The following NFRKB variants were observed in gnomAD, a reference collection of about 807,000 sequenced individuals.
NFRKB encodes nuclear factor related to kappaB binding protein.
NFRKB carries 62 observed loss-of-function variants against 135.7 expected under a neutral mutation model. The ratio of observed to expected loss-of-function variants is 0.46; its 90% CI spans 0.37 to 0.56. The LOEUF (loss-of-function observed/expected upper bound fraction) is 0.56, where lower values mean the gene tolerates loss of function less well. Ranked by LOEUF, NFRKB falls within the 20% of genes least tolerant of loss-of-function variation. NFRKB has a pLI of 0.00. For missense variants in NFRKB, 1,545 were observed against 1,662.0 expected, an observed-to-expected ratio of 0.93 and a Z score of 1.22; for synonymous variants, 678 against 635.6, an observed-to-expected ratio of 1.07 and a Z score of -1.00.
At chr11:129,892,364 T>C (rs947480413) in intron 3 of NFRKB, among the ~76,000 whole-genome samples, 2 of 152,204 alleles carry the variant, frequency 1.3e-5, no homozygotes, top group African/African-American at 4.8e-5. Flanking sequence ...TCCAGTTTGC[T>C]GCAAATGCCA....
At position 129,866,165 on chromosome 11, in the gene NFRKB, C is replaced by T. The variant is rs576301738; in HGVS notation, c.3532-182G>A. On this transcript the variant is annotated intron_variant, in intron 24 of 26. Coordinates refer to ENST00000682444, the MANE Select transcript of NFRKB (RefSeq NM_001143835.2). ...AAAACCCTAACGAACTACTTATATACCATAGTCAGGTGAAATCTGATCTTT... is the reference window on the plus strand; with the variant it reads ...AAAACCCTAACGAACTACTTATATATCATAGTCAGGTGAAATCTGATCTTT... Among the ~76,000 whole-genome samples the T allele has an allele frequency of 6.6e-5, 10 of 152,246 alleles. No homozygotes were observed. In the South Asian group the frequency reaches 2.1e-3, roughly 32 times the overall value.
Position 129,865,577 on chromosome 11 carries a change from C to G in NFRKB, c.3638+300G>C, listed in dbSNP as rs1031069237. On this transcript the variant is annotated intron_variant, in intron 25 of 26. Coordinates refer to ENST00000682444, the MANE Select transcript of NFRKB (RefSeq NM_001143835.2). ...CCCTCACACCTAGCTGAGCCCCATCCTAGCACTTCCCACACCCTTTTCTCT... is the reference window on the plus strand; with the variant it reads ...CCCTCACACCTAGCTGAGCCCCATCGTAGCACTTCCCACACCCTTTTCTCT... Among the ~76,000 whole-genome samples, 4 of 152,220 alleles carry G rather than the reference C, an allele frequency of 2.6e-5. No individual in the cohort carries two copies. The South Asian group carries it at 8.3e-4, about 32-fold the overall frequency.
chr11:129,880,334 T>G, intron 13 of NFRKB, among the ~76,000 whole-genome samples: 1 of 151,856 alleles, frequency 6.6e-6, no homozygotes, highest in Non-Finnish European at 1.5e-5. Context: ...CCTCACACCA[T>G]TCTCCTTCAT....
chr11:129,876,515 T>C (rs539091273), intron 17 of NFRKB, among the ~76,000 whole-genome samples: 4 of 152,070 alleles, frequency 2.6e-5, no homozygotes, highest in Admixed American at 2.6e-4. Flanking sequence ...TAAATGAACA[T>C]AAATGTAAGC....
chr11:129,885,777 T>C (rs935969042), intron 5 of NFRKB, among the ~76,000 whole-genome samples, 168 bp from the exon 6 acceptor site: 5 of 152,260 alleles, frequency 3.3e-5, no homozygotes, highest in East Asian at 3.8e-4. Flanking sequence ...AGAATCTGTA[T>C]TGATTACATG....
In NFRKB at chr11:129,892,957, C is replaced by T. The variant is rs1480304443; in HGVS notation, c.-21-87G>A. 16 of 1,595,310 alleles carry T rather than the reference C, an allele frequency of 1.0e-5. No individual in the cohort carries two copies. The South Asian group carries it at 1.1e-4, about 11-fold the overall frequency. ...AACACTCCTCCAGGAAAACATTCAACCTCCAGCCAGTTCTTACACCTTATC... is the reference window on the plus strand; with the variant it reads ...AACACTCCTCCAGGAAAACATTCAATCTCCAGCCAGTTCTTACACCTTATC... On this transcript the variant is annotated intron_variant, in intron 2 of 26. Transcript: ENST00000682444.
rs560407601 is a variant in NFRKB, at chr11:129,894,121, T to A, written c.-22+238A>T. ...ACTACATACCACAACATTTTCAGAC[T>A]GATGGCTGGGATTAGGGGTCAAGTT... On this transcript the variant is annotated intron_variant, in intron 2 of 26. Coordinates refer to ENST00000682444, the MANE Select transcript of NFRKB (RefSeq NM_001143835.2). 3 of 152,362 alleles carry A rather than the reference T, an allele frequency of 2.0e-5. No homozygotes were observed. In the South Asian group the frequency reaches 6.2e-4, roughly 32 times the overall value. 9.4% of individuals were successfully genotyped at this position (152,362 alleles called of 1,614,324 possible).
At chr11:129,869,385 C>G in intron 24 of NFRKB, 109 bp downstream of exon 24, 1 of 1,307,864 alleles carries the variant, frequency 7.6e-7, no homozygotes, top group Non-Finnish European at 1.0e-6. Context: ...AATTTCCACT[C>G]CTAAAAAGAA....
chr11:129,874,777 C>T lies in NFRKB; in HGVS notation c.1978+16G>A. 6.2e-7 allele frequency: 1 copy of T among 1,614,190 alleles called. No individual in the cohort carries two copies. Among genetic ancestry groups the T allele is most frequent in the African/African-American group, 1.3e-5 (1 of 75,040 alleles). On this transcript the variant is annotated intron_variant, in intron 19 of 26. Coordinates refer to ENST00000682444, the MANE Select transcript of NFRKB (RefSeq NM_001143835.2). This position sits in a 1 kb window ranked among gnomAD's most constrained non-coding sequence, Gnocchi z 4.5. ...ATCCCCAGTCTGGTCGGACAGTGCC[C>T]AGAGGCCTCACACACCAAACTCTTC... is the stretch of plus-strand genomic sequence containing the variant.
intron 4 of NFRKB, 103 bp from the exon 5 acceptor site, chr11:129,886,547 C>T (rs537432229): frequency 7.1e-5 from 77 of 1,080,826 alleles, no homozygotes; most frequent in South Asian, 4.6e-4. Context: ...CTCTGTACCA[C>T]AAAACTTAAG....
Position 129,876,821 on chromosome 11 carries a change from T to C in NFRKB, c.1647A>G (p.Pro549=). ...TCTCCTTGTCAAACACGCCCTTCACTGGCCCCACCACAGACTCAAAGCCGT... is the reference window on the plus strand; with the variant it reads ...TCTCCTTGTCAAACACGCCCTTCACCGGCCCCACCACAGACTCAAAGCCGT... The part of the protein sequence containing the change: ...RMHGFESVVG[P]VKGVFDKETS... Residue 549 remains proline (P), a synonymous_variant, in exon 17 of 27, where the codon CCA becomes CCG. Coordinates refer to ENST00000682444, the MANE Select transcript of NFRKB (RefSeq NM_001143835.2). The C allele has an allele frequency of 6.8e-6, 11 of 1,614,156 alleles. No homozygotes were observed. Among genetic ancestry groups the C allele is most frequent in the Non-Finnish European group, 9.3e-6 (11 of 1,180,012 alleles).
chr11:129,870,644 T>G (rs953563853), intron 23 of NFRKB, among the ~76,000 whole-genome samples: 4 of 152,164 alleles, frequency 2.6e-5, no homozygotes, highest in Non-Finnish European at 5.9e-5. Context: ...CAGAGCTCAC[T>G]GCAGCCTCGA....
intron 22 of NFRKB, 27 bp from the exon 23 acceptor site, chr11:129,873,123 T>C (rs758515982): frequency 1.3e-6 from 2 of 1,532,350 alleles, no homozygotes; most frequent in Non-Finnish European, 1.8e-6. Context: ...GGCCAAGAGC[T>C]TAATTAGACT....
At chr11:129,875,262 C>T in intron 18 of NFRKB, 95 bp downstream of exon 18, 1 of 1,046,380 alleles carries the variant, frequency 9.6e-7, no homozygotes, top group Non-Finnish European at 1.4e-6. Flanking sequence ...TCACTTCATT[C>T]AGTTTTTAAA....
rs1949180349 is a variant in NFRKB, at chr11:129,884,545, A to C, written c.742+200T>G. Among the ~76,000 whole-genome samples the C allele has an allele frequency of 2.0e-5, 3 of 152,360 alleles. No homozygotes were observed. In the South Asian group the frequency reaches 6.2e-4, roughly 32 times the overall value. ...AGCTTCTGAGAAAAAATTTTAAAAC[A>C]AAAGAAAAAAGGCAGGCCTATCTCC... On this transcript the variant is annotated intron_variant, in intron 7 of 26. Transcript: ENST00000682444.
rs1565417342 is a variant in NFRKB, at chr11:129,884,839, G to A, written c.648C>T (p.Ser216=). 1 of 1,614,222 alleles carries A rather than the reference G, an allele frequency of 6.2e-7. No individual in the cohort carries two copies. The highest frequency in any genetic ancestry group is 8.5e-7 in the Non-Finnish European group (1 of 1,180,022). The change falls in exon 7 of 27, where the codon AGC becomes AGT. Residue 216 remains serine, a synonymous_variant. Coordinates refer to ENST00000682444, the MANE Select transcript of NFRKB (RefSeq NM_001143835.2). ...TALSSDEEDL[S]SWLPSSPARS... ...GTGCTGGAGAGCTCGGAAGCCATGA[G>A]CTGAGATCTTCAAAAGAAAATTGTT...
chr11:129,878,611 T>C (rs1948885976), intron 13 of NFRKB, 68 bp from the exon 14 acceptor site: 2 of 1,275,152 alleles, frequency 1.6e-6, no homozygotes, highest in Non-Finnish European at 2.3e-6. Flanking sequence ...CTGCTTTCTC[T>C]TTACTAGCTG....
In NFRKB at chr11:129,888,616, G is replaced by A. The variant is rs924214374; in HGVS notation, c.315C>T (p.His105=). The A allele has an allele frequency of 2.5e-6, 4 of 1,614,180 alleles. No homozygotes were observed. The highest frequency in any genetic ancestry group is 3.4e-6 in the Non-Finnish European group (4 of 1,180,038). Residue 105 remains histidine, a synonymous_variant, in exon 4 of 27, where the codon CAC becomes CAT. Coordinates refer to ENST00000682444, the MANE Select transcript of NFRKB (RefSeq NM_001143835.2). ...GENFRFGNPL[H]IAQKLFRDGH... ...AACCTCGGAAAAGCTTCTGGGCAAT[G>A]TGCAGAGGGTTTCCAAAGCGGAAGT...
rs971604564 is a variant in NFRKB, at chr11:129,872,587, A to T, written c.2763+297T>A. ...GAGTGGTAAACTGAGAAGCCAATAAAATGTGGCCATGGGAATTTCACTAAA... is the reference window on the plus strand; with the variant it reads ...GAGTGGTAAACTGAGAAGCCAATAATATGTGGCCATGGGAATTTCACTAAA... On this transcript the variant is annotated intron_variant, in intron 23 of 26. Transcript: ENST00000682444. 3.8e-5 allele frequency: 9 copies of T among 238,728 alleles called. No homozygotes were observed. In the East Asian group the frequency reaches 7.8e-4, roughly 21 times the overall value. The allele number at this position is 238,728 out of a possible 1,614,324, so 14.8% of individuals were successfully genotyped here. A position where few individuals can be genotyped will look rare whatever the true frequency, so the allele number is the denominator to read the frequency against.
Sources: allele counts gnomAD v4.1 joint callset (sites outside exome capture counted in the v4.1 genomes callset), GRCh38; gene constraint gnomAD v4.1.1; non-coding constraint Gnocchi (gnomAD v3.1); transcripts MANE v1.5; gene names NCBI Gene and HGNC (gene_info 2026-07-23, HGNC 2026-07-21).